CNBD1: variants seen among roughly 807,000 people sequenced by gnomAD.
The protein encoded by CNBD1 is cyclic nucleotide-binding domain-containing protein 1.
In CNBD1, 71 loss-of-function variants were observed where a neutral mutation model predicts 54.4. The observed-to-expected ratio is 1.30, with a 90% CI of 1.08 to 1.59. The LOEUF (loss-of-function observed/expected upper bound fraction) is 1.59, where lower values mean the gene tolerates loss of function less well. CNBD1 is among the 40% of genes most tolerant of loss of function. CNBD1 has a pLI of 0.00. For missense variants in CNBD1, 659 were observed against 518.0 expected (o/e 1.27, Z -2.64); for synonymous variants, 182 against 170.7 (o/e 1.07, Z -0.51).
At chr8:87,354,460 G>A (rs577755297) in intron 10 of CNBD1, among the ~76,000 whole-genome samples, 1 of 151,734 alleles carries the variant, frequency 6.6e-6, no homozygotes, top group African/African-American at 2.4e-5. Context: ...CAACGTGCAG[G>A]TTTGTTACAT....
At chr8:87,103,023 G>T (rs759812544) in intron 4 of CNBD1, among the ~76,000 whole-genome samples, 1 of 152,146 alleles carries the variant, frequency 6.6e-6, no homozygotes, top group African/African-American at 2.4e-5. Flanking sequence ...AGGTGGTAGC[G>T]TTTACTAAGA....
intron 4 of CNBD1, among the ~76,000 whole-genome samples, chr8:86,980,822 C>T (rs1027696516): frequency 6.6e-6 from 1 of 152,134 alleles, no homozygotes; most frequent in Admixed American, 6.5e-5. Context: ...TGGGTAAACC[C>T]GAGTTTGCTA....
intron 2 of CNBD1, among the ~76,000 whole-genome samples, chr8:86,899,652 A>T (rs1325090422): frequency 6.6e-6 from 1 of 151,994 alleles, no homozygotes; most frequent in African/African-American, 2.4e-5. Flanking sequence ...AGGCTTAGGG[A>T]TATAAATCTG....
At chr8:87,065,720 C>T (rs772780437) in intron 4 of CNBD1, among the ~76,000 whole-genome samples, 1 of 151,824 alleles carries the variant, frequency 6.6e-6, no homozygotes, top group Non-Finnish European at 1.5e-5. Context: ...CCTCTAATGC[C>T]TTTATGTAAA....
chr8:87,263,542 GTAAT>G (rs1279927102), intron 6 of CNBD1, among the ~76,000 whole-genome samples: 1 of 148,928 alleles, frequency 6.7e-6, no homozygotes, highest in Non-Finnish European at 1.5e-5. Flanking sequence ...AATTAGGTAA[GTAAT>G]TGTTTTTTTC....
intron 6 of CNBD1, among the ~76,000 whole-genome samples, chr8:87,265,743 A>C (rs1808242633): frequency 6.6e-6 from 1 of 152,110 alleles, no homozygotes; most frequent in South Asian, 2.1e-4. Flanking sequence ...CTGCTAAAAC[A>C]GCAGAGTAGA....
At chr8:87,054,541 T>C (rs577122314) in intron 4 of CNBD1, among the ~76,000 whole-genome samples, 52 of 152,234 alleles carry the variant, frequency 3.4e-4, no homozygotes, top group Non-Finnish European at 5.3e-4. Context: ...CAGCTGACTT[T>C]ACCCAACAGG....
chr8:86,963,928 A>T (rs1266169287), intron 4 of CNBD1, among the ~76,000 whole-genome samples: 1 of 152,198 alleles, frequency 6.6e-6, no homozygotes, highest in Non-Finnish European at 1.5e-5. Flanking sequence ...TCTGCCCTCC[A>T]ATGATCTACA....
At chr8:87,219,485 T>C (rs980183173) in intron 5 of CNBD1, among the ~76,000 whole-genome samples, 1 of 151,900 alleles carries the variant, frequency 6.6e-6, no homozygotes. Flanking sequence ...CACAAATCAA[T>C]GAATACATCC....
intron 4 of CNBD1, among the ~76,000 whole-genome samples, chr8:87,116,566 C>T (rs1811772539): frequency 6.6e-6 from 1 of 151,926 alleles, no homozygotes; most frequent in Non-Finnish European, 1.5e-5. Flanking sequence ...TATTTAATTG[C>T]TTTTTATTGT....
chr8:87,168,258 A>G (rs998032450), intron 4 of CNBD1, among the ~76,000 whole-genome samples: 2 of 152,008 alleles, frequency 1.3e-5, no homozygotes, highest in African/African-American at 4.8e-5. Flanking sequence ...ATAAAGTATG[A>G]TTGCGTATCT....
intron 1 of CNBD1, among the ~76,000 whole-genome samples, chr8:86,868,424 C>T (rs1808393928): frequency 6.6e-6 from 1 of 152,102 alleles, no homozygotes; most frequent in Non-Finnish European, 1.5e-5. Flanking sequence ...CTCACCACAA[C>T]CTCCGCCTCC....
intron 4 of CNBD1, among the ~76,000 whole-genome samples, chr8:87,168,442 C>T (rs1813011338): frequency 6.6e-6 from 1 of 151,898 alleles, no homozygotes. Context: ...CCAATATACT[C>T]TTTCAGTTAT....
chr8:86,908,231 A>C (rs1417367731), intron 3 of CNBD1, among the ~76,000 whole-genome samples: 1 of 152,228 alleles, frequency 6.6e-6, no homozygotes, highest in East Asian at 1.9e-4. Flanking sequence ...AAATTGAAGA[A>C]TAGGATAAGA....
chr8:86,989,194 C>A (rs1469713298), intron 4 of CNBD1, among the ~76,000 whole-genome samples: 1 of 152,022 alleles, frequency 6.6e-6, no homozygotes, highest in East Asian at 1.9e-4. Flanking sequence ...ATCATTTGAG[C>A]CTGGGAGATC....
chr8:87,078,886 T>C (rs540674023), intron 4 of CNBD1, among the ~76,000 whole-genome samples: 2 of 152,308 alleles, frequency 1.3e-5, no homozygotes, highest in East Asian at 3.9e-4. Flanking sequence ...TCATTTTTAA[T>C]ATCAACTTTA....
intron 4 of CNBD1, among the ~76,000 whole-genome samples, chr8:86,961,184 A>G (rs1343987126): frequency 6.6e-6 from 1 of 152,204 alleles, no homozygotes. Flanking sequence ...ATGAAGATCC[A>G]ATAGCTTGGA....
At chr8:86,969,821 C>T (rs548127323) in intron 4 of CNBD1, among the ~76,000 whole-genome samples, 8 of 135,182 alleles carry the variant, frequency 5.9e-5, no homozygotes, top group African/African-American at 8.2e-5. Flanking sequence ...CACACACACA[C>T]ATATATATAG....
At chr8:87,403,544 T>G (rs1421625616) in intron 2 of CNBD1, among the ~76,000 whole-genome samples, 1 of 152,038 alleles carries the variant, frequency 6.6e-6, no homozygotes, top group African/African-American at 2.4e-5. Flanking sequence ...TAGGTTTTCT[T>G]TGAGATTTTC....
Sources: allele counts gnomAD v4.1 joint callset (sites outside exome capture counted in the v4.1 genomes callset), GRCh38; gene constraint gnomAD v4.1.1; transcripts MANE v1.5; gene names NCBI Gene and HGNC (gene_info 2026-07-23, HGNC 2026-07-21).